H3C4: variants seen among roughly 807,000 people sequenced by gnomAD.
H3C4 encodes the protein H3 clustered histone 4.
In H3C4, 10 loss-of-function variants were observed where a neutral mutation model predicts 8.7. The ratio of observed to expected loss-of-function variants is 1.15; its 90% CI spans 0.71 to 1.96. H3C4 has a LOEUF of 1.96. Among genes scored for constraint, H3C4 ranks in the 30% most tolerant of loss-of-function variants. The pLI, the probability that H3C4 is intolerant of heterozygous loss-of-function variation, is 0.00. For missense variants in H3C4, 216 were observed against 192.9 expected (o/e 1.12, Z -0.71); for synonymous variants, 141 against 80.1 (o/e 1.76, Z -4.06).
Position 26,196,887 on chromosome 6 carries a change from G to A in H3C4, c.364C>T (p.Pro122Ser). 4 of 1,614,248 alleles carry A rather than the reference G, an allele frequency of 2.5e-6. No individual in the cohort carries two copies. The highest frequency in any genetic ancestry group is 3.4e-6 in the Non-Finnish European group (4 of 1,180,044). Residue 122 changes from proline to serine, a missense_variant, in exon 1 of 1, where the codon CCC becomes TCC. Physicochemically the swap from Pro to Ser is moderately conservative, Grantham distance 74. Transcript: ENST00000356476. ...CGGCGAGCAAGCTGGATGTCCTTGGGCATGATAGTCACTCGCTTGGCGTGA... is the reference window on the plus strand; with the variant it reads ...CGGCGAGCAAGCTGGATGTCCTTGGACATGATAGTCACTCGCTTGGCGTGA... The part of the protein sequence containing the change: ...AIHAKRVTIM[P>S]KDIQLARRIR...
At chr6:26,198,819 T>C (rs921757485), upstream of H3C4, 1 of 1,601,120 alleles carries the variant, frequency 6.2e-7, no homozygotes, top group Non-Finnish European at 8.5e-7. Context: ...TTAAGACTGC[T>C]TCCTTAAAAA....
At chr6:26,198,689 G>T (rs1305720667), upstream of H3C4, among the ~76,000 whole-genome samples, 1 of 152,138 alleles carries the variant, frequency 6.6e-6, no homozygotes, top group East Asian at 1.9e-4. Context: ...TCACGATTCA[G>T]TGTTAAGAAC....
upstream of H3C4, chr6:26,199,231 C>A (rs1300586710): frequency 3.1e-6 from 5 of 1,596,226 alleles, no homozygotes; most frequent in African/African-American, 4.1e-5. Flanking sequence ...CCTTGCTTGC[C>A]GCGTCCGGAC....
upstream of H3C4, among the ~76,000 whole-genome samples, chr6:26,198,400 C>T (rs986780582): frequency 6.6e-6 from 1 of 152,176 alleles, no homozygotes; most frequent in African/African-American, 2.4e-5. Context: ...GGCGCGATCT[C>T]GACTCACTGC....
Position 26,197,074 on chromosome 6 carries a change from G to T in H3C4, c.177C>A (p.Thr59=). 1 of 1,614,192 alleles carries T rather than the reference G, an allele frequency of 6.2e-7. No individual in the cohort carries two copies. The highest frequency in any genetic ancestry group is 8.5e-7 in the Non-Finnish European group (1 of 1,180,036). The part of the protein sequence containing the change: ...LREIRRYQKS[T]ELLIRKLPFQ... ...ATGGCAGTTTGCGAATCAGCAGCTC[G>T]GTCGACTTCTGGTAGCGGCGGATCT... The change falls in exon 1 of 1, where the codon ACC becomes ACA. Residue 59 remains threonine (T), a synonymous_variant. Transcript: ENST00000356476.
upstream of H3C4, chr6:26,198,907 G>C: frequency 6.2e-7 from 1 of 1,614,240 alleles, no homozygotes; most frequent in Non-Finnish European, 8.5e-7. Context: ...AGTACAGCCT[G>C]GATGTTGGGC....
Position 26,197,238 on chromosome 6 carries a change from T to G in H3C4, c.13A>C (p.Lys5Gln). ...CCCGTGGACTTGCGAGCAGTCTGCT[T>G]GGTACGAGCCATTGCGAACTTCTAA... MART[K>Q]QTARKSTGGK... The change falls in exon 1 of 1, where the codon AAG (lysine) becomes CAG (glutamine). Residue 5 changes from lysine to glutamine, a missense_variant. Coordinates refer to ENST00000356476, the MANE Select transcript of H3C4 (RefSeq NM_001376937.1). 1.9e-6 allele frequency: 3 copies of G among 1,613,108 alleles called. No homozygotes were observed. The highest frequency in any genetic ancestry group is 2.5e-6 in the Non-Finnish European group (3 of 1,179,752).
At position 26,196,921 on chromosome 6, in the gene H3C4, T is replaced by A. The variant is rs760588652; in HGVS notation, c.330A>T (p.Leu110=). ...TCACTCGCTTGGCGTGAATGGCGCA[T>A]AGGTTGGTGTCCTCAAACAGCCCCA... ...YLVGLFEDTN[L]CAIHAKRVTI... is the part of the protein sequence containing the mutation. Residue 110 remains leucine (L), a synonymous_variant, in exon 1 of 1, where the codon CTA becomes CTT. Coordinates refer to ENST00000356476, the MANE Select transcript of H3C4 (RefSeq NM_001376937.1). 1.2e-6 allele frequency: 2 copies of A among 1,614,190 alleles called. No homozygotes were observed. Among genetic ancestry groups the A allele is most frequent in the Non-Finnish European group, 1.7e-6 (2 of 1,180,020 alleles).
chr6:26,197,854 T>C (rs553064518), upstream of H3C4, among the ~76,000 whole-genome samples: 2 of 146,780 alleles, frequency 1.4e-5, no homozygotes, highest in African/African-American at 5.1e-5. Flanking sequence ...CTTTTACAAG[T>C]TCAACTGGTA....
Position 26,197,152 on chromosome 6 carries a change from G to C in H3C4, c.99C>G (p.Thr33=). 3 of 1,614,136 alleles carry C rather than the reference G, an allele frequency of 1.9e-6. No homozygotes were observed. The highest frequency in any genetic ancestry group is 2.5e-6 in the Non-Finnish European group (3 of 1,180,020). Reference sequence around the variant, plus strand: ...AACGGTGGGGCTTCTTCACGCCGCCGGTGGCTGGAGCGCTCTTTCGAGCAG... The same window carrying C: ...AACGGTGGGGCTTCTTCACGCCGCCCGTGGCTGGAGCGCTCTTTCGAGCAG... ...TKAARKSAPA[T]GGVKKPHRYR... Residue 33 remains threonine, a synonymous_variant, in exon 1 of 1, where the codon ACC becomes ACG. Transcript: ENST00000356476.
Position 26,196,900 on chromosome 6 carries a change from T to C in H3C4, c.351A>G (p.Arg117=). The change falls in exon 1 of 1, where the codon CGA becomes CGG. Residue 117 remains arginine (R), a synonymous_variant. Coordinates refer to ENST00000356476, the MANE Select transcript of H3C4 (RefSeq NM_001376937.1). ...DTNLCAIHAK[R]VTIMPKDIQL... The stretch of plus-strand genomic sequence containing the variant: ...GGATGTCCTTGGGCATGATAGTCAC[T>C]CGCTTGGCGTGAATGGCGCATAGGT... 6.2e-7 allele frequency: 1 copy of C among 1,614,238 alleles called. No homozygotes were observed. The highest frequency in any genetic ancestry group is 1.1e-5 in the South Asian group (1 of 91,086).
chr6:26,197,901 A>AAAAAAT (rs1410184269), upstream of H3C4, among the ~76,000 whole-genome samples: 1 of 149,870 alleles, frequency 6.7e-6, no homozygotes, highest in African/African-American at 2.5e-5. Context: ...AAAAAAAAAA[A>AAAAAAT]GCCAAATTTA....
upstream of H3C4, chr6:26,199,150 G>A (rs768580015): frequency 3.7e-6 from 6 of 1,614,090 alleles, no homozygotes; most frequent in South Asian, 2.2e-5. Context: ...AGCAAGCGGT[G>A]TACGCGGCCC....
Position 26,197,037 on chromosome 6 carries a change from C to A in H3C4, c.214G>T (p.Val72Phe), listed in dbSNP as rs892619198. 2 of 1,614,126 alleles carry A rather than the reference C, an allele frequency of 1.2e-6. No homozygotes were observed. The highest frequency in any genetic ancestry group is 1.3e-5 in the African/African-American group (1 of 74,946). The part of the protein sequence containing the change: ...LIRKLPFQRL[V>F]REIAQDFKTD... The stretch of plus-strand genomic sequence containing the variant: ...TTGAAGTCCTGCGCGATCTCACGGA[C>A]TAGACGCTGGAATGGCAGTTTGCGA... Residue 72 changes from valine to phenylalanine, a missense_variant, in exon 1 of 1, where the codon GTC becomes TTC. Transcript: ENST00000356476.
upstream of H3C4, chr6:26,198,735 T>G (rs1765046617): frequency 2.0e-6 from 2 of 1,025,236 alleles, no homozygotes; most frequent in Admixed American, 5.4e-5. Flanking sequence ...TAAAGAAAAC[T>G]GCAAAATAGC....
chr6:26,197,392 C>A, upstream of H3C4: 3 of 746,712 alleles, frequency 4.0e-6, no homozygotes, highest in South Asian at 5.5e-5. Context: ...CACTCCCTGA[C>A]AGAACATCTC....
chr6:26,199,097 T>A, upstream of H3C4: 1 of 1,614,088 alleles, frequency 6.2e-7, no homozygotes, highest in East Asian at 2.2e-5. Context: ...CCAGATACAC[T>A]GGCGCGCCGG....
At chr6:26,197,374 G>C, upstream of H3C4, 1 of 937,718 alleles carries the variant, frequency 1.1e-6, no homozygotes, top group Non-Finnish European at 1.6e-6. Flanking sequence ...TCGATTGGTG[G>C]AGACGCCCAC....
chr6:26,197,213 C>G lies in H3C4; in HGVS notation c.38G>C (p.Gly13Ala). Reference sequence around the variant, plus strand: ...CAGCTGCTTGCGTGGCGCTTTCCCACCCGTGGACTTGCGAGCAGTCTGCTT... The same window carrying G: ...CAGCTGCTTGCGTGGCGCTTTCCCAGCCGTGGACTTGCGAGCAGTCTGCTT... ...RTKQTARKST[G>A]GKAPRKQLAT... The change falls in exon 1 of 1, where the codon GGT (glycine) becomes GCT (alanine). Residue 13 changes from glycine to alanine, a missense_variant. Gly to Ala is a moderately conservative substitution (Grantham distance 60, BLOSUM62 0). Transcript: ENST00000356476. The G allele has an allele frequency of 6.2e-7, 1 of 1,613,950 alleles. No homozygotes were observed. Among genetic ancestry groups the G allele is most frequent in the Non-Finnish European group, 8.5e-7 (1 of 1,179,958 alleles).
Sources: gnomAD v4.1 joint callset for allele counts (sites outside exome capture counted in the v4.1 genomes callset) on GRCh38, gnomAD v4.1.1 for gene constraint, MANE v1.5 for transcripts, NCBI Gene and HGNC (gene_info 2026-07-23, HGNC 2026-07-21) for gene names.